The following MME variants were observed in gnomAD, a reference collection of about 807,000 sequenced individuals.
MME encodes the protein membrane metalloendopeptidase.
In MME, 98 loss-of-function variants were observed where a neutral mutation model predicts 113.2. The ratio of observed to expected loss-of-function variants is 0.87; its 90% CI spans 0.74 to 1.02. The LOEUF (loss-of-function observed/expected upper bound fraction) is 1.02, where lower values mean the gene tolerates loss of function less well. MME is among the 50% of genes least tolerant of loss of function. The probability of loss-of-function intolerance (pLI) is 0.00; values close to 1 mark genes in which losing one functional copy is unlikely to be tolerated. For missense variants in MME, 836 were observed against 896.0 expected, an observed-to-expected ratio of 0.93 and a Z score of 0.86; for synonymous variants, 292 against 300.6, an observed-to-expected ratio of 0.97 and a Z score of 0.30.
At chr3:155,103,875 T>A (rs1446298677) in intron 3 of MME, among the ~76,000 whole-genome samples, 1 of 152,202 alleles carries the variant, frequency 6.6e-6, no homozygotes, top group Non-Finnish European at 1.5e-5. Context: ...CCTAGCCAGC[T>A]CACGCATACA....
intron 9 of MME, among the ~76,000 whole-genome samples, chr3:155,138,519 A>C (rs1720814605): frequency 6.6e-6 from 1 of 152,194 alleles, no homozygotes; most frequent in South Asian, 2.1e-4. Flanking sequence ...TCTACCATTT[A>C]CAGTCAAACT....
At chr3:155,174,013 G>A (rs1712253324) in intron 22 of MME, among the ~76,000 whole-genome samples, 1 of 151,926 alleles carries the variant, frequency 6.6e-6, no homozygotes, top group South Asian at 2.1e-4. Context: ...GTGTTTGAAA[G>A]TCCATACTAG....
At chr3:155,073,788 ATCTG>A (rs199902504) in intron 1 of MME, among the ~76,000 whole-genome samples, 4 of 152,012 alleles carry the variant, frequency 2.6e-5, no homozygotes, top group East Asian at 1.9e-4. Context: ...ACCAATGCCT[ATCTG>A]TCTATCTATC....
chr3:155,078,033 C>T (rs1269772267), upstream of MME, among the ~76,000 whole-genome samples: 4 of 149,190 alleles, frequency 2.7e-5, no homozygotes, highest in African/African-American at 7.5e-5. Context: ...GGAGAAACCC[C>T]GAAAGTAAAA....
chr3:155,067,842 G>T (rs1714435613), intron 1 of MME, among the ~76,000 whole-genome samples: 1 of 152,144 alleles, frequency 6.6e-6, no homozygotes, highest in Non-Finnish European at 1.5e-5. Flanking sequence ...TGTGAAAAAT[G>T]CTACAACCAC....
chr3:155,026,196 G>C (rs768863664), intron 1 of MME, among the ~76,000 whole-genome samples: 2 of 151,936 alleles, frequency 1.3e-5, no homozygotes, highest in African/African-American at 4.8e-5. Flanking sequence ...GTTGGGGTAG[G>C]GGGGTGGGTG....
chr3:155,042,890 A>G (rs1311519731), intron 1 of MME, among the ~76,000 whole-genome samples: 2 of 124,532 alleles, frequency 1.6e-5, no homozygotes, highest in East Asian at 2.5e-4. Flanking sequence ...AAAATTACCA[A>G]TAGTAGGTTT....
chr3:155,083,118 C>T (rs1431306735), intron 1 of MME, among the ~76,000 whole-genome samples: 2 of 152,114 alleles, frequency 1.3e-5, no homozygotes, highest in East Asian at 3.8e-4. Context: ...AATATTTAGG[C>T]TTATATCCCC....
At chr3:155,141,856 A>T in intron 10 of MME, 135 bp from the exon 11 acceptor site, 1 of 961,908 alleles carries the variant, frequency 1.0e-6, no homozygotes, top group Non-Finnish European at 1.6e-6. Flanking sequence ...GTTTTTATTT[A>T]AAAACTGATT....
chr3:155,160,636 G>T (rs945664154), intron 17 of MME, among the ~76,000 whole-genome samples, 188 bp downstream of exon 17: 1 of 151,848 alleles, frequency 6.6e-6, no homozygotes, highest in African/African-American at 2.4e-5. Context: ...AATTCAGATT[G>T]GTACAAATCA....
At chr3:155,081,207 A>G (rs560004847) in intron 1 of MME, 4 of 152,356 alleles carry the variant, frequency 2.6e-5, no homozygotes, top group Admixed American at 2.6e-4. Context: ...CTGCAGATAT[A>G]AGTTAATGTT....
rs1718660572 is a variant in MME, at chr3:155,116,863, T to C, written c.536-5T>C. On this transcript the variant is annotated splice_polypyrimidine_tract_variant and splice_region_variant and intron_variant, in intron 6 of 22. Coordinates refer to ENST00000360490, the MANE Select transcript of MME (RefSeq NM_007289.4). ...AAAGATATATTTTATCTTTTATTGCTTTAGGTGCTTCTTGGACAGCTGAAA... is the reference window on the plus strand; with the variant it reads ...AAAGATATATTTTATCTTTTATTGCCTTAGGTGCTTCTTGGACAGCTGAAA... 6.3e-7 allele frequency: 1 copy of C among 1,584,530 alleles called. No individual in the cohort carries two copies. The highest frequency in any genetic ancestry group is 8.7e-7 in the Non-Finnish European group (1 of 1,153,490).
At position 155,167,122 on chromosome 3, in the gene MME, A is replaced by G. The variant is rs2108363204; in HGVS notation, c.1780+101A>G. 8 of 1,420,812 alleles carry G rather than the reference A, an allele frequency of 5.6e-6. No individual in the cohort carries two copies. In the South Asian group the frequency reaches 7.0e-5, roughly 12 times the overall value. 88.0% of individuals were successfully genotyped at this position (1,420,812 alleles called of 1,614,324 possible). On this transcript the variant is annotated intron_variant, in intron 18 of 22. Transcript: ENST00000360490. ...ACTACAAAGCTACATTTATTCAAAC[A>G]TGTATCATTTCTCTAATTTTCACCA...
At chr3:155,061,280 T>G (rs1160030772) in intron 1 of MME, among the ~76,000 whole-genome samples, 1 of 151,822 alleles carries the variant, frequency 6.6e-6, no homozygotes, top group African/African-American at 2.4e-5. Flanking sequence ...GTGAAACCCG[T>G]CTCTACTAAA....
At chr3:155,064,413 G>A (rs932317937) in intron 1 of MME, among the ~76,000 whole-genome samples, 1 of 152,184 alleles carries the variant, frequency 6.6e-6, no homozygotes, top group African/African-American at 2.4e-5. Flanking sequence ...CAGCCGCAAA[G>A]TCAGAGATTG....
chr3:155,169,748 G>C (rs1403397640), intron 20 of MME, among the ~76,000 whole-genome samples: 1 of 152,180 alleles, frequency 6.6e-6, no homozygotes, highest in East Asian at 1.9e-4. Flanking sequence ...GGAATGATCA[G>C]TGGAGTGAAT....
chr3:155,040,366 TA>T lies in MME; in HGVS notation c.-11+16043del, dbSNP rs1479633992. Reference sequence around the variant, plus strand: ...CATTTTCAAACATTCCTTGAAACAATACCACCCCAGGTGAGAACTGATGCCT... The same window carrying T: ...CATTTTCAAACATTCCTTGAAACAATCCACCCCAGGTGAGAACTGATGCCT... On this transcript the variant is annotated intron_variant, in intron 1 of 22. Transcript: ENST00000492661. Among the ~76,000 whole-genome samples the T allele has an allele frequency of 5.4e-3, 818 of 152,214 alleles. 4 individuals are homozygous for T. The highest frequency in any genetic ancestry group is 0.019 in the African/African-American group (791 of 41,542).
Position 155,073,911 on chromosome 3 carries a change from G to A in MME, c.-10-10247G>A, listed in dbSNP as rs549940458. 6.6e-5 allele frequency among the ~76,000 whole-genome samples: 10 copies of A among 151,912 alleles called. 1 individual carries two copies. The highest frequency in any genetic ancestry group is 2.4e-4 in the African/African-American group (10 of 41,418). ...TCTTTTATCCAACAATCATATTACT[G>A]TCTTATAAATATGAGTAATATTTTG... is the stretch of plus-strand genomic sequence containing the variant. On this transcript the variant is annotated intron_variant, in intron 1 of 22. Coordinates refer to the MME transcript ENST00000492661.
intron 8 of MME, among the ~76,000 whole-genome samples, chr3:155,123,457 CATT>C (rs1277058358): frequency 2.8e-4 from 14 of 50,812 alleles, no homozygotes; most frequent in African/African-American, 1.0e-3. Flanking sequence ...TTGATCCTGT[CATT>C]ATGATGTTAG....
Sources: gnomAD v4.1 joint callset for allele counts (sites outside exome capture counted in the v4.1 genomes callset) on GRCh38, gnomAD v4.1.1 for gene constraint, MANE v1.5 for transcripts, NCBI Gene and HGNC (gene_info 2026-07-23, HGNC 2026-07-21) for gene names.